HERC1: variants seen among roughly 807,000 people sequenced by gnomAD.
HERC1 encodes probable E3 ubiquitin-protein ligase HERC1.
Under a neutral mutation model 554.3 loss-of-function variants are expected in HERC1, and 160 were observed. The observed-to-expected ratio is 0.29, with a 90% confidence interval of 0.25 to 0.33. HERC1 has a LOEUF of 0.33. Among genes scored for constraint, HERC1 ranks in the 10% least tolerant of loss-of-function variants. The pLI, the probability that HERC1 is intolerant of heterozygous loss-of-function variation, is 1.00. For missense variants in HERC1, 4,919 were observed against 5,918.5 expected (o/e 0.83, Z 5.54); for synonymous variants, 2,175 against 2,131.7 (o/e 1.02, Z -0.56).
intron 2 of HERC1, among the ~76,000 whole-genome samples, chr15:63,765,684 A>C (rs2075753300): frequency 6.6e-6 from 1 of 151,892 alleles, no homozygotes; most frequent in South Asian, 2.1e-4. Flanking sequence ...GAAGCCCCCC[A>C]CCTCGAGTTA....
At chr15:63,628,929 G>C in intron 69 of HERC1, 114 bp from the exon 70 acceptor site, 1 of 926,276 alleles carries the variant, frequency 1.1e-6, no homozygotes, top group South Asian at 1.6e-5. Context: ...ACTGTACCAT[G>C]CATCAGCATC....
intron 24 of HERC1, among the ~76,000 whole-genome samples, chr15:63,711,603 G>C (rs1239806468): frequency 1.3e-5 from 2 of 152,120 alleles, no homozygotes; most frequent in African/African-American, 4.8e-5. Context: ...TCTTTATGTA[G>C]CACTTTATAC....
At chr15:63,794,550 C>T (rs1377024137) in intron 1 of HERC1, among the ~76,000 whole-genome samples, 1 of 152,068 alleles carries the variant, frequency 6.6e-6, no homozygotes, top group Non-Finnish European at 1.5e-5. Context: ...CAGAGGTGAC[C>T]AGGCATCAGC....
At chr15:63,747,688 A>G in intron 11 of HERC1, 36 bp downstream of exon 11, 1 of 1,330,986 alleles carries the variant, frequency 7.5e-7, no homozygotes, top group Non-Finnish European at 1.1e-6. Context: ...GCGCGCACAC[A>G]CACACACAAA....
intron 76 of HERC1, among the ~76,000 whole-genome samples, chr15:63,614,862 G>A (rs2067747503): frequency 6.6e-6 from 1 of 152,190 alleles, no homozygotes; most frequent in Admixed American, 6.5e-5. Context: ...CTTGCAAGTT[G>A]AGGAAACAAG....
intron 1 of HERC1, among the ~76,000 whole-genome samples, chr15:63,816,512 A>C (rs2077499138): frequency 6.6e-6 from 1 of 152,244 alleles, no homozygotes; most frequent in Non-Finnish European, 1.5e-5. Context: ...AAATTTCTGA[A>C]TATCAACATT....
intron 1 of HERC1, among the ~76,000 whole-genome samples, chr15:63,783,872 C>A (rs1364990539): frequency 6.6e-6 from 1 of 152,020 alleles, no homozygotes; most frequent in Non-Finnish European, 1.5e-5. Flanking sequence ...TCAAGACCAT[C>A]CTGGCCAACA....
rs1294804378 is a variant in HERC1, at chr15:63,655,877, G to A, written c.9949C>T (p.Leu3317Phe). The A allele has an allele frequency of 1.2e-6, 2 of 1,611,880 alleles. No homozygotes were observed. The highest frequency in any genetic ancestry group is 1.7e-6 in the Non-Finnish European group (2 of 1,179,088). Residue 3317 changes from leucine (L) to phenylalanine (F), a missense_variant, in exon 50 of 78, where the codon CTC (leucine) becomes TTC (phenylalanine). Transcript: ENST00000443617. The stretch of plus-strand genomic sequence containing the variant: ...TTGTTCTCTTCAGCAATTCCTCGGA[G>A]AAAGCTGGGTAGAAACTTTCGCTGA... The part of the protein sequence containing the change: ...SIQRKFLPSF[L>F]RGIAEENKLV...
chr15:63,662,902 A>T, intron 44 of HERC1, 82 bp downstream of exon 44: 1 of 1,043,088 alleles, frequency 9.6e-7, no homozygotes, highest in Non-Finnish European at 1.4e-6. Flanking sequence ...TTTCAACTCT[A>T]GGCAAGGCTG....
chr15:63,670,383 C>T (rs1428321795), intron 39 of HERC1, among the ~76,000 whole-genome samples: 1 of 152,186 alleles, frequency 6.6e-6, no homozygotes, highest in Non-Finnish European at 1.5e-5. Context: ...TCCACACTGA[C>T]TGCTCTTCAG....
intron 30 of HERC1, among the ~76,000 whole-genome samples, chr15:63,693,371 G>T (rs1292393201): frequency 1.3e-5 from 2 of 151,616 alleles, no homozygotes; most frequent in Non-Finnish European, 2.9e-5. Context: ...AGCCTCCCAA[G>T]CAGCTGGCAC....
intron 8 of HERC1, among the ~76,000 whole-genome samples, chr15:63,750,396 T>C (rs1042860196): frequency 4.0e-5 from 6 of 151,818 alleles, no homozygotes; most frequent in Admixed American, 6.6e-5. Flanking sequence ...AAGGGTTAGG[T>C]GGGAAAAAAA....
chr15:63,801,484 T>C (rs1290374777), intron 1 of HERC1, among the ~76,000 whole-genome samples: 5 of 152,128 alleles, frequency 3.3e-5, no homozygotes, highest in Admixed American at 6.5e-5. Context: ...CTCACACACT[T>C]GTTGTCAGAA....
chr15:63,714,619 G>C (rs149630766), intron 22 of HERC1, among the ~76,000 whole-genome samples: 1 of 139,490 alleles, frequency 7.2e-6, no homozygotes, highest in Non-Finnish European at 1.5e-5. Context: ...GCACGATCTC[G>C]GCTCACTGCA....
chr15:63,829,559 GTGTATATA>G (rs1484392300), intron 1 of HERC1, among the ~76,000 whole-genome samples: 3,935 of 94,302 alleles, frequency 0.042, 83 homozygotes, highest in Non-Finnish European at 0.055. Flanking sequence ...GTGTGTGTGT[GTGTATATA>G]TATATATATA....
rs1417977535 is a variant in HERC1 at position 63,729,533 on chromosome 15, C to T, written c.2985G>A (p.Gln995=). The part of the protein sequence containing the change: ...LHELLCSLQK[Q]LLAFCHINNI... ...TATTGATATGGCAAAATGCCAGCAGCTGTTTCTGTAGTGAACATAGCAGTT... is the reference window on the plus strand; with the variant it reads ...TATTGATATGGCAAAATGCCAGCAGTTGTTTCTGTAGTGAACATAGCAGTT... Residue 995 remains glutamine, a synonymous_variant, in exon 15 of 78, where the codon CAG becomes CAA. Coordinates refer to ENST00000443617, the MANE Select transcript of HERC1 (RefSeq NM_003922.4). 1 of 1,613,820 alleles carries T rather than the reference C, an allele frequency of 6.2e-7. No individual in the cohort carries two copies. Among genetic ancestry groups the T allele is most frequent in the South Asian group, 1.1e-5 (1 of 91,076 alleles).
intron 45 of HERC1, among the ~76,000 whole-genome samples, chr15:63,661,480 C>A (rs772864461): frequency 6.6e-6 from 1 of 152,050 alleles, no homozygotes; most frequent in Admixed American, 6.5e-5. Context: ...TGAGTAGAAG[C>A]CTCCTGAGGG....
At chr15:63,764,308 G>A (rs760322732) in intron 2 of HERC1, 117 bp from the exon 3 acceptor site, 1 of 663,662 alleles carries the variant, frequency 1.5e-6, no homozygotes, top group Non-Finnish European at 2.6e-6. Context: ...ATAATTATGT[G>A]CACTGAAACC....
chr15:63,630,078 A>G (rs1045118977), intron 69 of HERC1, among the ~76,000 whole-genome samples: 1 of 152,154 alleles, frequency 6.6e-6, no homozygotes, highest in Non-Finnish European at 1.5e-5. Flanking sequence ...TCTTTTTCCC[A>G]TATCAACTGA....
Sources: gnomAD v4.1 joint callset for allele counts (sites outside exome capture counted in the v4.1 genomes callset) on GRCh38, gnomAD v4.1.1 for gene constraint, MANE v1.5 for transcripts, NCBI Gene and HGNC (gene_info 2026-07-23, HGNC 2026-07-21) for gene names.